PCDHGB1: variants seen among roughly 807,000 people sequenced by gnomAD.
PCDHGB1 encodes protocadherin gamma subfamily B, 1, also known as protocadherin gamma-B1.
Under a neutral mutation model 56.6 loss-of-function variants are expected in PCDHGB1, and 34 were observed. The observed-to-expected ratio is 0.60, with a 90% confidence interval of 0.46 to 0.80. The LOEUF (loss-of-function observed/expected upper bound fraction) is 0.80. Ranked by LOEUF, PCDHGB1 falls within the 30% of genes least tolerant of loss-of-function variation. The pLI, the probability that PCDHGB1 is intolerant of heterozygous loss-of-function variation, is 0.00. For synonymous variants in PCDHGB1, 561 were observed against 505.9 expected, an observed-to-expected ratio of 1.11 and a Z score of -1.46; for missense variants, 1,278 against 1,204.6, an observed-to-expected ratio of 1.06 and a Z score of -0.90.
rs13178808 is a variant in PCDHGB1 at position 141,491,920 on chromosome 5, G to A, written c.2410-2887G>A. 1.2e-4 allele frequency: 164 copies of A among 1,356,270 alleles called. No individual in the cohort carries two copies. Among genetic ancestry groups the A allele is most frequent in the Non-Finnish European group, 1.5e-4 (155 of 1,015,194 alleles). The allele number at this position is 1,356,270 out of a possible 1,614,324, so 84.0% of individuals were successfully genotyped here. On this transcript the variant is annotated intron_variant, in intron 1 of 3. Transcript: ENST00000523390. This position sits in a 1 kb window ranked among gnomAD's most constrained non-coding sequence, Gnocchi z 6.9. ...ACCGGGGGTGGTGGCGACTGTGGGC[G>A]AGGGGAGGTGGGACCGACCCCCACC...
Position 141,404,333 on chromosome 5 carries a change from C to T in PCDHGB1, c.2409+51664C>T, listed in dbSNP as rs181615917. On this transcript the variant is annotated intron_variant, in intron 1 of 3. Transcript: ENST00000523390. ...CTCTCAAGCCTCCTACTCAGTCTACCTCCCGGAAAACAACGCCAGAGGTAC... is the reference window on the plus strand; with the variant it reads ...CTCTCAAGCCTCCTACTCAGTCTACTTCCCGGAAAACAACGCCAGAGGTAC... The T allele has an allele frequency of 3.8e-5, 62 of 1,613,854 alleles. No homozygotes were observed. The East Asian group carries it at 8.5e-4, about 22-fold the overall frequency.
At chr5:141,451,019 G>A (rs1348607593) in intron 1 of PCDHGB1, among the ~76,000 whole-genome samples, 7 of 151,274 alleles carry the variant, frequency 4.6e-5, no homozygotes, top group Admixed American at 2.0e-4. Context: ...TAGTAGAGAC[G>A]AGGTTTCACC....
At chr5:141,479,862 C>T (rs2099508997) in intron 1 of PCDHGB1, among the ~76,000 whole-genome samples, 1 of 152,170 alleles carries the variant, frequency 6.6e-6, no homozygotes, top group Non-Finnish European at 1.5e-5. Flanking sequence ...GGCCTTTGCC[C>T]TGGAGAGAAC....
intron 1 of PCDHGB1, chr5:141,372,329 T>G (rs374029933): frequency 2.5e-6 from 4 of 1,613,738 alleles, no homozygotes; most frequent in Non-Finnish European, 2.5e-6. Context: ...TGCTGGTCAC[T>G]GTGCGTGATG....
At chr5:141,481,606 C>T (rs2099540144) in intron 1 of PCDHGB1, among the ~76,000 whole-genome samples, 1 of 152,000 alleles carries the variant, frequency 6.6e-6, no homozygotes, top group South Asian at 2.1e-4. Context: ...TCACCTGAGG[C>T]CAGGAGTTCA....
intron 1 of PCDHGB1, among the ~76,000 whole-genome samples, chr5:141,470,152 T>C (rs546219809): frequency 2.6e-5 from 4 of 152,308 alleles, no homozygotes; most frequent in African/African-American, 9.6e-5. Context: ...ATAGATCATC[T>C]TATCAAATCA....
chr5:141,494,712 C>T, intron 1 of PCDHGB1, 95 bp from the exon 2 acceptor site: 1 of 1,603,048 alleles, frequency 6.2e-7, no homozygotes, highest in Non-Finnish European at 8.5e-7. Context: ...TCTGTGCCCA[C>T]TCCCCTCCTT....
chr5:141,380,502 T>C (rs932449846), intron 1 of PCDHGB1, among the ~76,000 whole-genome samples: 2 of 152,190 alleles, frequency 1.3e-5, no homozygotes, highest in Admixed American at 1.3e-4. Flanking sequence ...AACAATAATA[T>C]ACACTCTTTA....
intron 1 of PCDHGB1, chr5:141,423,431 G>T: frequency 6.2e-7 from 1 of 1,614,010 alleles, no homozygotes; most frequent in South Asian, 1.1e-5. Context: ...GGGTTGGCAG[G>T]TATGCCCACG....
chr5:141,364,733 G>A (rs536236780), intron 1 of PCDHGB1: 54 of 1,613,954 alleles, frequency 3.3e-5, no homozygotes, highest in East Asian at 2.2e-4. Context: ...GCGTTTCCGG[G>A]ATGAAGAGTT....
At position 141,493,512 on chromosome 5, in the gene PCDHGB1, C is replaced by A. The variant is rs1327850681; in HGVS notation, c.2410-1295C>A. The stretch of plus-strand genomic sequence containing the variant: ...CTGTGGCTCCTCATTTCTGAGCAGT[C>A]CCCGCAGCGCAAACTTGGCCAGTTA... On this transcript the variant is annotated intron_variant, in intron 1 of 3. Transcript: ENST00000523390. The surrounding 1 kb of genome is among the most constrained non-coding windows in gnomAD (Gnocchi z 4.3). Among the ~76,000 whole-genome samples the A allele has an allele frequency of 1.3e-5, 2 of 152,148 alleles. No individual in the cohort carries two copies. Among genetic ancestry groups the A allele is most frequent in the South Asian group, 4.1e-4 (2 of 4,824 alleles).
chr5:141,471,925 G>A (rs1371923375), intron 1 of PCDHGB1, among the ~76,000 whole-genome samples: 1 of 152,076 alleles, frequency 6.6e-6, no homozygotes, highest in Non-Finnish European at 1.5e-5. Flanking sequence ...AAATTTTGGG[G>A]GTGATGAGAG....
At chr5:141,373,796 CCT>C (rs1278238672) in intron 1 of PCDHGB1, 9 of 310,398 alleles carry the variant, frequency 2.9e-5, no homozygotes, top group African/African-American at 1.3e-4. Flanking sequence ...GAAATAAAAT[CCT>C]CTGTGTGATA....
chr5:141,374,218 A>C, intron 1 of PCDHGB1: 1 of 1,613,952 alleles, frequency 6.2e-7, no homozygotes, highest in Non-Finnish European at 8.5e-7. Flanking sequence ...GCTCCTTCGT[A>C]GGCAACATCG....
At chr5:141,385,197 T>A (rs371691840) in intron 1 of PCDHGB1, 1 of 1,613,774 alleles carries the variant, frequency 6.2e-7, no homozygotes, top group African/African-American at 1.3e-5. Flanking sequence ...CTCGGAAGAG[T>A]CACCTGATCT....
At chr5:141,506,649 T>C (rs1487823663) in intron 3 of PCDHGB1, among the ~76,000 whole-genome samples, 1 of 152,114 alleles carries the variant, frequency 6.6e-6, no homozygotes, top group Admixed American at 6.6e-5. Context: ...CAGCACAGGA[T>C]TGGCAGAGAG....
Position 141,350,905 on chromosome 5 carries a change from G to C in PCDHGB1, c.645G>C (p.Gly215=). ...TAATCCTGACTGCCATGGATGGCGG[G>C]GACCCGCCTCTAAGCGGCACCACCC... The part of the protein sequence containing the change: ...HRLILTAMDG[G]DPPLSGTTHI... Residue 215 remains glycine, a synonymous_variant, in exon 1 of 4, where the codon GGG becomes GGC. Coordinates refer to ENST00000523390, the MANE Select transcript of PCDHGB1 (RefSeq NM_018922.3). 1.2e-6 allele frequency: 2 copies of C among 1,614,058 alleles called. No individual in the cohort carries two copies. The highest frequency in any genetic ancestry group is 1.7e-6 in the Non-Finnish European group (2 of 1,179,904).
chr5:141,418,754 G>A (rs748707880), intron 1 of PCDHGB1: 1 of 1,613,926 alleles, frequency 6.2e-7, no homozygotes, highest in South Asian at 1.1e-5. Context: ...TTACACTACA[G>A]GAAACATTCT....
In PCDHGB1 at chr5:141,492,378, C is replaced by T. The variant is rs144479033; in HGVS notation, c.2410-2429C>T. Among the ~76,000 whole-genome samples the T allele has an allele frequency of 1.7e-3, 262 of 152,360 alleles. 2 individuals are homozygous for T. The highest frequency in any genetic ancestry group is 3.0e-3 in the Non-Finnish European group (207 of 68,026). On this transcript the variant is annotated intron_variant, in intron 1 of 3. Coordinates refer to ENST00000523390, the MANE Select transcript of PCDHGB1 (RefSeq NM_018922.3). ...CTCGCTCGCGGCCAGATTCACAGGCCTGTTCCGGTCCACTCGCAGCTCCCC... is the reference window on the plus strand; with the variant it reads ...CTCGCTCGCGGCCAGATTCACAGGCTTGTTCCGGTCCACTCGCAGCTCCCC...
Sources: gnomAD v4.1 joint callset for allele counts (sites outside exome capture counted in the v4.1 genomes callset) on GRCh38, gnomAD v4.1.1 for gene constraint, Gnocchi (gnomAD v3.1) non-coding constraint, MANE v1.5 for transcripts, NCBI Gene and HGNC (gene_info 2026-07-23, HGNC 2026-07-21) for gene names.